PDE8B: variants seen among roughly 807,000 people sequenced by gnomAD.
The protein encoded by PDE8B is high affinity cAMP-specific and IBMX-insensitive 3',5'-cyclic phosphodiesterase 8B.
In PDE8B, 26 loss-of-function variants were observed where a neutral mutation model predicts 101.3. The ratio of observed to expected loss-of-function variants is 0.26; its 90% confidence interval spans 0.19 to 0.36. The LOEUF is 0.36. Among genes scored for constraint, PDE8B ranks in the 10% least tolerant of loss-of-function variants. PDE8B has a pLI of 1.00. For missense variants in PDE8B, 810 were observed against 1,163.1 expected, an observed-to-expected ratio of 0.70 and a Z score of 4.42; for synonymous variants, 424 against 429.3, an observed-to-expected ratio of 0.99 and a Z score of 0.15.
the PDE8B span, among the ~76,000 whole-genome samples, chr5:77,135,323 C>T: frequency 1.4e-4 from 22 of 152,220 alleles, 1 homozygote; most frequent in Admixed American, 1.2e-3. Context: ...TACCTAATCT[C>T]ATCTTGACAT....
chr5:77,218,938 C>T lies in PDE8B; in HGVS notation c.339+7674C>T, dbSNP rs148066849. Among the ~76,000 whole-genome samples, 577 of 152,292 alleles carry T rather than the reference C, an allele frequency of 3.8e-3. 2 individuals are homozygous for T. Among genetic ancestry groups the T allele is most frequent in the African/African-American group, 0.013 (547 of 41,554 alleles). ...ATTGATTTGGCCAATAGATGACTAA[C>T]TGGATTTATAGACAGATAGGTTATC... On this transcript the variant is annotated intron_variant, in intron 1 of 21. Transcript: ENST00000264917.
At chr5:77,294,878 ATATT>A (rs1407471364) in intron 1 of PDE8B, among the ~76,000 whole-genome samples, 5 of 148,324 alleles carry the variant, frequency 3.4e-5, no homozygotes, top group Middle Eastern at 3.6e-3. Context: ...TATATAATAT[ATATT>A]ATATCTATCT....
At chr5:77,110,245 T>C in the PDE8B span, among the ~76,000 whole-genome samples, 5 of 151,972 alleles carry the variant, frequency 3.3e-5, no homozygotes, top group Non-Finnish European at 5.9e-5. Context: ...GGCCTCACAA[T>C]ATCTTTAATT....
chr5:77,184,601 T>C, the PDE8B span, among the ~76,000 whole-genome samples: 986 of 152,314 alleles, frequency 6.5e-3, 7 homozygotes, highest in African/African-American at 0.021. Context: ...TTTGGTACCC[T>C]GGCTTTTCTG....
chr5:77,242,943 G>A (rs770040465), intron 1 of PDE8B, among the ~76,000 whole-genome samples: 39 of 152,146 alleles, frequency 2.6e-4, no homozygotes, highest in Non-Finnish European at 4.9e-4. Flanking sequence ...TGGGATTACA[G>A]GTGTGAGCCA....
intron 1 of PDE8B, among the ~76,000 whole-genome samples, chr5:77,298,437 C>A (rs1239646655): frequency 6.6e-6 from 1 of 152,208 alleles, no homozygotes; most frequent in Admixed American, 6.5e-5. Flanking sequence ...CTGCAGCAAC[C>A]TTGACCACTA....
At chr5:77,422,461 C>T (rs115347620) in intron 20 of PDE8B, among the ~76,000 whole-genome samples, 454 of 152,056 alleles carry the variant, frequency 3.0e-3, no homozygotes, top group African/African-American at 0.01. Context: ...GTGCTACAGA[C>T]GTTCAGAGAG....
At chr5:77,376,895 T>C (rs1272778858) in intron 10 of PDE8B, among the ~76,000 whole-genome samples, 1 of 151,888 alleles carries the variant, frequency 6.6e-6, no homozygotes, top group Non-Finnish European at 1.5e-5. Flanking sequence ...GTAACAGGGG[T>C]GGGGAAATGT....
chr5:77,304,807 G>A (rs1463393264), intron 1 of PDE8B, among the ~76,000 whole-genome samples: 1 of 152,134 alleles, frequency 6.6e-6, no homozygotes, highest in Non-Finnish European at 1.5e-5. Flanking sequence ...TATTGTTTGG[G>A]GGGGATAATT....
chr5:77,132,152 T>A, the PDE8B span, among the ~76,000 whole-genome samples: 1 of 152,110 alleles, frequency 6.6e-6, no homozygotes, highest in African/African-American at 2.4e-5. Context: ...CCTGAAAAAA[T>A]TTATCAGAGT....
the PDE8B span, among the ~76,000 whole-genome samples, chr5:77,092,790 C>T: frequency 6.6e-6 from 1 of 152,020 alleles, no homozygotes; most frequent in Non-Finnish European, 1.5e-5. Flanking sequence ...CATGGTAGCA[C>T]ACATCTGTGG....
rs190610296 is a variant in PDE8B at position 77,334,734 on chromosome 5, C to G, written c.709-2493C>G. ...AACTTGCCAGAGCTCACACTCATGACAAAGTCCAGAAGCAAATACATGTTG... is the reference window on the plus strand; with the variant it reads ...AACTTGCCAGAGCTCACACTCATGAGAAAGTCCAGAAGCAAATACATGTTG... On this transcript the variant is annotated intron_variant, in intron 5 of 21. Coordinates refer to ENST00000264917, the MANE Select transcript of PDE8B (RefSeq NM_003719.5). Among the ~76,000 whole-genome samples, 5 of 152,330 alleles carry G rather than the reference C, an allele frequency of 3.3e-5. No homozygotes were observed. In the East Asian group the frequency reaches 9.6e-4, roughly 29 times the overall value.
At chr5:77,189,582 A>G in the PDE8B span, among the ~76,000 whole-genome samples, 22 of 152,320 alleles carry the variant, frequency 1.4e-4, no homozygotes, top group African/African-American at 5.3e-4. Flanking sequence ...TTGTGAAAGA[A>G]TATTTCAAGT....
At chr5:77,339,223 C>T (rs1483755955) in intron 6 of PDE8B, among the ~76,000 whole-genome samples, 1 of 152,142 alleles carries the variant, frequency 6.6e-6, no homozygotes, top group East Asian at 1.9e-4. Context: ...CTTACTAGAA[C>T]TGGTTGGGGG....
chr5:77,397,296 C>A (rs867438651), intron 10 of PDE8B, among the ~76,000 whole-genome samples: 15 of 152,160 alleles, frequency 9.9e-5, no homozygotes, highest in Admixed American at 1.3e-4. Flanking sequence ...TCCCAAAGTG[C>A]TGGGATTACA....
the PDE8B span, chr5:77,146,616 G>A: frequency 3.5e-6 from 1 of 287,780 alleles, no homozygotes; most frequent in Non-Finnish European, 6.7e-6. Context: ...GTTATTATAT[G>A]CATTCTTTGG....
chr5:77,159,809 G>A, the PDE8B span, among the ~76,000 whole-genome samples: 1 of 152,164 alleles, frequency 6.6e-6, no homozygotes, highest in African/African-American at 2.4e-5. Context: ...AGGATATGAA[G>A]GGTTGGTCTC....
chr5:77,287,803 C>T (rs371662148), intron 1 of PDE8B, among the ~76,000 whole-genome samples: 28 of 152,166 alleles, frequency 1.8e-4, no homozygotes, highest in South Asian at 1.7e-3. Flanking sequence ...CTAAAATTTC[C>T]ACTTGATTTT....
chr5:77,132,763 G>C, the PDE8B span, among the ~76,000 whole-genome samples: 1 of 152,134 alleles, frequency 6.6e-6, no homozygotes, highest in Admixed American at 6.5e-5. Flanking sequence ...CTCTGTTTTG[G>C]TTGCGTCTTT....
Sources: gnomAD v4.1 joint callset for allele counts (sites outside exome capture counted in the v4.1 genomes callset) on GRCh38, gnomAD v4.1.1 for gene constraint, MANE v1.5 for transcripts, NCBI Gene and HGNC (gene_info 2026-07-23, HGNC 2026-07-21) for gene names.